ZBTB20: variants seen among roughly 807,000 people sequenced by gnomAD.
ZBTB20 encodes zinc finger and BTB domain-containing protein 20.
Under a neutral mutation model 56.9 loss-of-function variants are expected in ZBTB20, and 9 were observed. That is an observed-to-expected ratio of 0.16 (90% CI 0.10 to 0.28). The LOEUF (loss-of-function observed/expected upper bound fraction) is 0.28, where lower values mean the gene tolerates loss of function less well. ZBTB20 is among the 10% of genes least tolerant of loss of function. The pLI, the probability that ZBTB20 is intolerant of heterozygous loss-of-function variation, is 1.00. For synonymous variants in ZBTB20, 417 were observed against 420.7 expected (o/e 0.99, Z 0.11); for missense variants, 655 against 1,003.0 (o/e 0.65, Z 4.69).
At chr3:115,133,899 T>C (rs2084581241) in intron 1 of ZBTB20, among the ~76,000 whole-genome samples, 1 of 152,176 alleles carries the variant, frequency 6.6e-6, no homozygotes, top group Non-Finnish European at 1.5e-5. Flanking sequence ...TACCTCAGAG[T>C]GGAATTGACA....
chr3:114,798,552 G>A (rs971929365), intron 5 of ZBTB20, among the ~76,000 whole-genome samples: 12 of 151,780 alleles, frequency 7.9e-5, no homozygotes, highest in South Asian at 2.1e-4. Flanking sequence ...TGTAAATTCA[G>A]ATAGACTATC....
At chr3:114,554,525 T>A (rs1246739958) in intron 6 of ZBTB20, among the ~76,000 whole-genome samples, 1 of 152,144 alleles carries the variant, frequency 6.6e-6, no homozygotes, top group Non-Finnish European at 1.5e-5. Flanking sequence ...AAAAGTTATT[T>A]CCTCATTGAT....
intron 11 of ZBTB20, among the ~76,000 whole-genome samples, chr3:114,346,500 G>A (rs2080196380): frequency 6.6e-6 from 1 of 151,952 alleles, no homozygotes; most frequent in South Asian, 2.1e-4. Flanking sequence ...GGCATTTAGA[G>A]GAAACAAAAC....
intron 7 of ZBTB20, among the ~76,000 whole-genome samples, chr3:114,461,092 G>C (rs2092307790): frequency 6.6e-6 from 1 of 152,088 alleles, no homozygotes; most frequent in African/African-American, 2.4e-5. Flanking sequence ...GTATCTCCAA[G>C]TTAATCTACA....
At chr3:114,401,293 A>G (rs983713124) in intron 7 of ZBTB20, among the ~76,000 whole-genome samples, 1 of 152,152 alleles carries the variant, frequency 6.6e-6, no homozygotes, top group Admixed American at 6.6e-5. Context: ...GAAAACAAGA[A>G]TTCTTCTTTA....
At chr3:114,709,025 T>C (rs561442948) in intron 5 of ZBTB20, among the ~76,000 whole-genome samples, 2 of 152,158 alleles carry the variant, frequency 1.3e-5, no homozygotes, top group African/African-American at 4.8e-5. Context: ...TTTTTATAGA[T>C]GTATGTGTTG....
intron 5 of ZBTB20, among the ~76,000 whole-genome samples, chr3:114,739,293 T>C (rs1350345236): frequency 6.6e-6 from 1 of 152,176 alleles, no homozygotes; most frequent in East Asian, 1.9e-4. Flanking sequence ...AACCTTTCTA[T>C]CATACCAGAG....
intron 11 of ZBTB20, among the ~76,000 whole-genome samples, chr3:114,343,785 C>T (rs1009224572): frequency 1.1e-4 from 16 of 152,006 alleles, no homozygotes; most frequent in African/African-American, 2.2e-4. Flanking sequence ...CCGTGGCTCA[C>T]GCCTGTAATC....
chr3:115,004,564 A>G (rs2079388560), intron 2 of ZBTB20, among the ~76,000 whole-genome samples: 1 of 151,732 alleles, frequency 6.6e-6, no homozygotes, highest in Non-Finnish European at 1.5e-5. Flanking sequence ...AGGAAAGACA[A>G]AAAACAAGAG....
intron 5 of ZBTB20, among the ~76,000 whole-genome samples, chr3:114,746,936 C>A (rs71321423): frequency 0.036 from 5,430 of 152,106 alleles, 152 homozygotes; most frequent in Non-Finnish European, 0.058. Flanking sequence ...CAAATGATAC[C>A]CCACTGTTGG....
chr3:114,723,126 T>C (rs1392691464), intron 5 of ZBTB20, among the ~76,000 whole-genome samples: 1 of 152,196 alleles, frequency 6.6e-6, no homozygotes, highest in African/African-American at 2.4e-5. Context: ...TCAAGATACA[T>C]TTGCAAGGTT....
At chr3:115,077,163 G>A (rs867734932) in intron 1 of ZBTB20, among the ~76,000 whole-genome samples, 1 of 151,692 alleles carries the variant, frequency 6.6e-6, no homozygotes, top group Non-Finnish European at 1.5e-5. Context: ...CAAAATACAT[G>A]AAGAACTCCT....
At chr3:115,055,222 T>TCTCTCTCTCTCTCTCTCA (rs2081723718) in intron 2 of ZBTB20, among the ~76,000 whole-genome samples, 1 of 150,694 alleles carries the variant, frequency 6.6e-6, no homozygotes. Context: ...TCTCTCTCTC[T>TCTCTCTCTCTCTCTCTCA]CTCACTGTCC....
chr3:114,924,830 C>G (rs1047008836), intron 3 of ZBTB20, among the ~76,000 whole-genome samples: 2 of 151,956 alleles, frequency 1.3e-5, no homozygotes, highest in Non-Finnish European at 2.9e-5. Flanking sequence ...TCTTTTTTCT[C>G]ACTCCTTTTT....
intron 6 of ZBTB20, among the ~76,000 whole-genome samples, chr3:114,588,440 G>A (rs1345470590): frequency 6.6e-6 from 1 of 152,130 alleles, no homozygotes; most frequent in Non-Finnish European, 1.5e-5. Context: ...TTGATGGGTG[G>A]CAAATAATAA....
chr3:114,375,805 G>T (rs1360346391), intron 10 of ZBTB20: 1 of 152,150 alleles, frequency 6.6e-6, no homozygotes, highest in Non-Finnish European at 1.5e-5. Flanking sequence ...TTTACTAAGG[G>T]AATTAATTAT....
intron 1 of ZBTB20, among the ~76,000 whole-genome samples, chr3:115,074,692 G>A (rs1365661068): frequency 2.0e-5 from 3 of 152,108 alleles, no homozygotes; most frequent in Admixed American, 6.5e-5. Flanking sequence ...AATTAACAAG[G>A]TTATTCCTGC....
chr3:114,787,368 T>TATATATACACACATAC (rs1433434685), intron 5 of ZBTB20, among the ~76,000 whole-genome samples: 3 of 106,332 alleles, frequency 2.8e-5, no homozygotes, highest in African/African-American at 9.1e-5. Context: ...TATATATATA[T>TATATATACACACATAC]ACACACACAC....
intron 4 of ZBTB20, among the ~76,000 whole-genome samples, chr3:114,859,571 C>A (rs1386830828): frequency 4.1e-5 from 2 of 48,960 alleles, no homozygotes; most frequent in African/African-American, 6.7e-5. Flanking sequence ...CTTCTTATGG[C>A]GTTTTTTTTT....
Sources: gnomAD v4.1 joint callset for allele counts (sites outside exome capture counted in the v4.1 genomes callset) on GRCh38, gnomAD v4.1.1 for gene constraint, MANE v1.5 for transcripts, NCBI Gene and HGNC (gene_info 2026-07-23, HGNC 2026-07-21) for gene names.